The following SF3B3 variants were observed in gnomAD, a reference collection of about 807,000 sequenced individuals.
SF3B3 encodes splicing factor 3b subunit 3.
A neutral mutation model predicts 139.2 loss-of-function variants in SF3B3; 33 were observed. The observed-to-expected ratio is 0.24, with a 90% CI of 0.18 to 0.32. The LOEUF (loss-of-function observed/expected upper bound fraction) is 0.32, where lower values mean the gene tolerates loss of function less well. Among genes scored for constraint, SF3B3 ranks in the 10% least tolerant of loss-of-function variants. SF3B3 has a pLI of 1.00. For synonymous variants in SF3B3, 596 were observed against 563.6 expected, an observed-to-expected ratio of 1.06 and a Z score of -0.81; for missense variants, 818 against 1,509.4, an observed-to-expected ratio of 0.54 and a Z score of 7.59.
chr16:70,569,668 C>T lies in SF3B3; in HGVS notation c.3265-338C>T, dbSNP rs542725237. Among the ~76,000 whole-genome samples the T allele has an allele frequency of 5.3e-4, 80 of 152,252 alleles. 2 individuals are homozygous for T. Among genetic ancestry groups the T allele is most frequent in the African/African-American group, 1.7e-3 (71 of 41,548 alleles). On this transcript the variant is annotated intron_variant, in intron 23 of 25. Transcript: ENST00000302516. ...TTTTTGAGACAAGGTCTCACTCAGT[C>T]GCCCGGGCTGGAGTGTGGTGGTACA...
At position 70,575,800 on chromosome 16, in the gene SF3B3, G is replaced by A. The variant is rs1179772413; in HGVS notation, c.*3987G>A. Reference sequence around the variant, plus strand: ...TCAGAAGGTCCCAAGTCTGAAAAATGAAGAGGTGGGGAGTGGGCAGCAGGG... The same window carrying A: ...TCAGAAGGTCCCAAGTCTGAAAAATAAAGAGGTGGGGAGTGGGCAGCAGGG... On this transcript the variant is annotated 3_prime_UTR_variant, in exon 26 of 26. Coordinates refer to ENST00000302516, the MANE Select transcript of SF3B3 (RefSeq NM_012426.5). The A allele has an allele frequency of 2.0e-5, 3 of 152,260 alleles. No individual in the cohort carries two copies. Among genetic ancestry groups the A allele is most frequent in the African/African-American group, 7.2e-5 (3 of 41,470 alleles). 9.4% of individuals were successfully genotyped at this position (152,260 alleles called of 1,614,324 possible).
At position 70,572,355 on chromosome 16, in the gene SF3B3, A is replaced by G; in HGVS notation, c.*542A>G. 1 of 243,584 alleles carries G rather than the reference A, an allele frequency of 4.1e-6. No homozygotes were observed. The highest frequency in any genetic ancestry group is 4.1e-5 in the South Asian group (1 of 24,298). The allele number at this position is 243,584 out of a possible 1,614,324, so 15.1% of individuals were successfully genotyped here. A position where few individuals can be genotyped will look rare whatever the true frequency, so the allele number is the denominator to read the frequency against. On this transcript the variant is annotated 3_prime_UTR_variant, in exon 26 of 26. Coordinates refer to ENST00000302516, the MANE Select transcript of SF3B3 (RefSeq NM_012426.5). ...GGATGTAGGTGGGAGGTTTGAACCC[A>G]AGTTAGAGCAGGAAGAACTGAGTAG...
chr16:70,524,528 T>A (rs1337961248), intron 1 of SF3B3: 1 of 149,912 alleles, frequency 6.7e-6, no homozygotes, highest in African/African-American at 2.5e-5. Context: ...TTTGTTTTGT[T>A]TTTGTGACGG....
At chr16:70,556,726 G>A in intron 14 of SF3B3, 160 bp from the exon 15 acceptor site, 1 of 688,002 alleles carries the variant, frequency 1.5e-6, no homozygotes, top group Non-Finnish European at 2.4e-6. Context: ...TCTGAAATTG[G>A]GTGTAACTAA....
Position 70,538,388 on chromosome 16 carries a change from G to A in SF3B3, c.891G>A (p.Ser297=), listed in dbSNP as rs577608310. 50 of 1,613,674 alleles carry A rather than the reference G, an allele frequency of 3.1e-5. No individual in the cohort carries two copies. The Middle Eastern group carries it at 4.9e-4, about 16-fold the overall frequency. Residue 297 remains serine (S), a synonymous_variant, in exon 7 of 26, where the codon TCG becomes TCA. Transcript: ENST00000302516. The part of the protein sequence containing the change: ...FVCSATHKTK[S]MFFFLAQTEQ... ...GCTCTGCAACCCATAAAACCAAATC[G>A]ATGTTCTTCTTTTTGGCTCAAACTG... is the stretch of plus-strand genomic sequence containing the variant.
At chr16:70,567,659 TC>T in intron 21 of SF3B3, 123 bp downstream of exon 21, 1 of 1,185,572 alleles carries the variant, frequency 8.4e-7, no homozygotes, top group Non-Finnish European at 1.2e-6. Flanking sequence ...TTACCCCAAT[TC>T]CAGCTTCAGA....
chr16:70,572,972 T>A lies in SF3B3; in HGVS notation c.*1159T>A, dbSNP rs1020695797. 2 of 152,190 alleles carry A rather than the reference T, an allele frequency of 1.3e-5. No individual in the cohort carries two copies. The highest frequency in any genetic ancestry group is 4.8e-5 in the African/African-American group (2 of 41,434). 9.4% of individuals were successfully genotyped at this position (152,190 alleles called of 1,614,324 possible). The stretch of plus-strand genomic sequence containing the variant: ...TCAATACTTCACAAATGTAAAACTT[T>A]CTTTCGTCTGCATGTGCTCAGCCAT... On this transcript the variant is annotated 3_prime_UTR_variant, in exon 26 of 26. Transcript: ENST00000302516.
At chr16:70,560,393 T>C in intron 15 of SF3B3, 76 bp from the exon 16 acceptor site, 1 of 1,472,856 alleles carries the variant, frequency 6.8e-7, no homozygotes, top group Admixed American at 2.1e-5. Context: ...TTATGTGAAG[T>C]ACCCAAGGGA....
intron 25 of SF3B3, 95 bp from the exon 26 acceptor site, chr16:70,571,575 AAAT>A: frequency 1.5e-6 from 2 of 1,370,384 alleles, no homozygotes; most frequent in Admixed American, 2.5e-5. Context: ...AAAAACTAAA[AAAT>A]AAAAACAGCT....
chr16:70,547,021 C>G (rs947368144), intron 10 of SF3B3, among the ~76,000 whole-genome samples: 7 of 140,764 alleles, frequency 5.0e-5, no homozygotes, highest in Admixed American at 7.2e-5. Context: ...GAGCGAGACT[C>G]CGTCTCAAAA....
At chr16:70,525,213 A>G (rs1320079459) in intron 1 of SF3B3, among the ~76,000 whole-genome samples, 1 of 151,486 alleles carries the variant, frequency 6.6e-6, no homozygotes, top group Non-Finnish European at 1.5e-5. Flanking sequence ...CATTTTTAGT[A>G]GAGGGGTTTT....
chr16:70,564,772 G>A (rs1372002765), intron 18 of SF3B3, among the ~76,000 whole-genome samples: 1 of 152,142 alleles, frequency 6.6e-6, no homozygotes, highest in Non-Finnish European at 1.5e-5. Context: ...TGGAGTTTCC[G>A]TTGTCATTTT....
At chr16:70,530,127 AAAATAAAT>A (rs148897352) in intron 3 of SF3B3, among the ~76,000 whole-genome samples, 7,530 of 133,024 alleles carry the variant, frequency 0.057, 247 homozygotes, top group Non-Finnish European at 0.066. Flanking sequence ...CTGCATCTCA[AAAATAAAT>A]AAATAAATAA....
intron 1 of SF3B3, 34 bp from the exon 2 acceptor site, chr16:70,526,553 C>A: frequency 1.4e-6 from 1 of 737,862 alleles, no homozygotes; most frequent in Non-Finnish European, 2.3e-6. Context: ...AAGTAATAGT[C>A]TCCCAGCTAT....
intron 6 of SF3B3, among the ~76,000 whole-genome samples, chr16:70,536,308 C>T (rs982696988): frequency 6.6e-6 from 1 of 152,096 alleles, no homozygotes; most frequent in Non-Finnish European, 1.5e-5. Context: ...GCCAGGATTA[C>T]AGGCATGCAC....
chr16:70,556,303 A>G lies in SF3B3; in HGVS notation c.1835A>G (p.Asn612Ser), dbSNP rs2050379220. ...TTCCTGGCTGTGGGGCTTGTGGACA[A>G]CACTGTCAGAATCATCTCCCTGGAT... is the stretch of plus-strand genomic sequence containing the variant. ...SRFLAVGLVD[N>S]TVRIISLDPS... The change falls in exon 14 of 26, where the codon AAC becomes AGC. Residue 612 changes from asparagine (N) to serine (S), a missense_variant. Physicochemically the swap from Asn to Ser is conservative, Grantham distance 46. This residue lies in a region of SF3B3 where 170 missense variants were observed against 353.0 expected (regional missense o/e 0.48). Coordinates refer to ENST00000302516, the MANE Select transcript of SF3B3 (RefSeq NM_012426.5). 4 of 1,614,058 alleles carry G rather than the reference A, an allele frequency of 2.5e-6. No homozygotes were observed. Among genetic ancestry groups the G allele is most frequent in the East Asian group, 2.2e-5 (1 of 44,888 alleles).
intron 21 of SF3B3, 59 bp from the exon 22 acceptor site, chr16:70,568,224 C>T: frequency 7.5e-7 from 1 of 1,335,148 alleles, no homozygotes; most frequent in Non-Finnish European, 1.1e-6. Flanking sequence ...GCTGGGCTTT[C>T]TTTGGGTTCT....
intron 8 of SF3B3, among the ~76,000 whole-genome samples, chr16:70,539,542 C>G (rs1053860094): frequency 4.6e-5 from 6 of 129,534 alleles, no homozygotes; most frequent in African/African-American, 1.6e-4. Flanking sequence ...GAGCGAAACT[C>G]TCTCTCAAAA....
chr16:70,568,922 G>T, intron 22 of SF3B3, 121 bp from the exon 23 acceptor site: 1 of 644,456 alleles, frequency 1.6e-6, no homozygotes. Context: ...CGTGGGCTCA[G>T]GCCTCTGTCT....
Sources: allele counts gnomAD v4.1 joint callset (sites outside exome capture counted in the v4.1 genomes callset), GRCh38; gene constraint gnomAD v4.1.1; regional missense constraint gnomAD v4.1.1; transcripts MANE v1.5; gene names NCBI Gene and HGNC (gene_info 2026-07-23, HGNC 2026-07-21).